Variants in KDM6A observed in about 807,000 individuals in gnomAD.
The protein encoded by KDM6A is lysine demethylase 6A.
In KDM6A, 11 loss-of-function variants were observed where a neutral mutation model predicts 117.6. That is an observed-to-expected ratio of 0.09 (90% confidence interval 0.06 to 0.15). KDM6A has a LOEUF of 0.15. KDM6A is among the 10% of genes least tolerant of loss of function. The pLI, the probability that KDM6A is intolerant of heterozygous loss-of-function variation, is 1.00. For synonymous variants in KDM6A, 384 were observed against 396.1 expected (o/e 0.97, Z 0.36); for missense variants, 799 against 1,077.3 (o/e 0.74, Z 3.62).
At chrX:44,948,402 AAGTTTT>A (rs2037790328) in intron 2 of KDM6A, among the ~76,000 whole-genome samples, 2 of 111,927 alleles carry the variant, frequency 1.8e-5, no homozygotes, top group Non-Finnish European at 3.8e-5. Flanking sequence ...GTGCATGGTT[AAGTTTT>A]TTAGTTCATG....
intron 2 of KDM6A, among the ~76,000 whole-genome samples, chrX:44,881,491 A>G (rs1426391143): frequency 8.9e-6 from 1 of 111,732 alleles, no homozygotes; most frequent in Non-Finnish European, 1.9e-5. Context: ...CCCTTGTTAG[A>G]CAGTTTTAGG....
intron 21 of KDM6A, 30 bp from the exon 22 acceptor site, chrX:45,082,546 A>G: frequency 9.4e-7 from 1 of 1,069,348 alleles, no homozygotes. Flanking sequence ...GTAGAACACT[A>G]AACTAGACTG....
chrX:45,075,331 C>T (rs2045064349), intron 18 of KDM6A, among the ~76,000 whole-genome samples: 1 of 110,967 alleles, frequency 9.0e-6, no homozygotes, highest in South Asian at 3.7e-4. Context: ...AACTTTATAC[C>T]CAAATCTAAA....
At chrX:44,938,260 G>A (rs188839022) in intron 2 of KDM6A, among the ~76,000 whole-genome samples, 2 of 111,626 alleles carry the variant, frequency 1.8e-5, no homozygotes, top group African/African-American at 3.3e-5. Flanking sequence ...GCACCTGACC[G>A]AAAACATTCT....
intron 8 of KDM6A, among the ~76,000 whole-genome samples, chrX:45,040,738 C>G (rs1209278718): frequency 1.6e-5 from 1 of 63,666 alleles, no homozygotes; most frequent in Non-Finnish European, 3.0e-5. Flanking sequence ...CCCCCCACCT[C>G]CCTCCTGGAT....
chrX:44,925,746 G>A (rs1382439583), intron 2 of KDM6A, among the ~76,000 whole-genome samples: 1 of 111,029 alleles, frequency 9.0e-6, no homozygotes, highest in Non-Finnish European at 1.9e-5. Flanking sequence ...TAGTTTTGAG[G>A]CCATAGATTT....
rs2039534127 is a variant in KDM6A, at chrX:44,974,722, G to T, written c.384+7G>T. 1 of 1,159,945 alleles carries T rather than the reference G, an allele frequency of 8.6e-7. No homozygotes were observed. Among genetic ancestry groups the T allele is most frequent in the Admixed American group, 2.2e-5 (1 of 45,986 alleles). On this transcript the variant is annotated splice_region_variant and intron_variant, in intron 4 of 29. Transcript: ENST00000611820. ...ACAGTCTGACTACTGGAAGGTTAGT[G>T]TACATTTGCATGCTGATTTCATGTT... is the stretch of plus-strand genomic sequence containing the variant.
chrX:45,047,884 C>T (rs1423701471), intron 8 of KDM6A, among the ~76,000 whole-genome samples: 3 of 107,963 alleles, frequency 2.8e-5, no homozygotes, highest in Non-Finnish European at 5.7e-5. Flanking sequence ...CAGGGCTAGG[C>T]GCAGTAGCTC....
intron 8 of KDM6A, among the ~76,000 whole-genome samples, chrX:45,044,942 G>T (rs188903652): frequency 6.7e-4 from 74 of 111,109 alleles, no homozygotes; most frequent in Admixed American, 1.6e-3. Context: ...ATAGATAAGT[G>T]CTATAATACT....
At chrX:44,948,533 T>C (rs1365794394) in intron 2 of KDM6A, among the ~76,000 whole-genome samples, 1 of 111,747 alleles carries the variant, frequency 8.9e-6, no homozygotes, top group Non-Finnish European at 1.9e-5. Context: ...TGGTAAGTGT[T>C]TTACATCGGG....
chrX:44,873,840 C>T, intron 1 of KDM6A, 84 bp from the exon 2 acceptor site: 2 of 1,155,408 alleles, frequency 1.7e-6, no homozygotes, highest in Non-Finnish European at 2.3e-6. Flanking sequence ...TTCGCGCCGC[C>T]TCCGCTGGGG....
intron 2 of KDM6A, among the ~76,000 whole-genome samples, chrX:44,909,526 T>A (rs926692983): frequency 2.7e-5 from 3 of 111,186 alleles, no homozygotes; most frequent in African/African-American, 9.8e-5. Context: ...CTATACTATA[T>A]GGAGGACCTT....
chrX:45,045,588 GAAAAAAA>G (rs569636939), intron 8 of KDM6A, among the ~76,000 whole-genome samples: 57 of 35,667 alleles, frequency 1.6e-3, no homozygotes, highest in East Asian at 0.014. Flanking sequence ...TCTGTCTCAA[GAAAAAAA>G]AAAAAAAAAA....
chrX:45,010,963 T>C lies in KDM6A; in HGVS notation c.387T>C (p.Asn129=). 1 of 1,196,450 alleles carries C rather than the reference T, an allele frequency of 8.4e-7. No individual in the cohort carries two copies. Among genetic ancestry groups the C allele is most frequent in the Non-Finnish European group, 1.1e-6 (1 of 882,171 alleles). ...AATCTTTTTCCCTTCCTTTACAGAA[T>C]GCTGCCTTTTTATATGGTCTTGGTT... The part of the protein sequence containing the change: ...YYSLQSDYWK[N]AAFLYGLGLV... The change falls in exon 5 of 30, where the codon AAT becomes AAC. Residue 129 remains asparagine, a splice_region_variant and synonymous_variant. Coordinates refer to ENST00000611820, the MANE Select transcript of KDM6A (RefSeq NM_001291415.2).
rs904768420 is a variant in KDM6A, at chrX:44,995,028, C to G, written c.385-15933C>G. ...GAACTCATATATAACATAGATATCTCTTTGAAATTTTGATTTCAATTTCTA... is the reference window on the plus strand; with the variant it reads ...GAACTCATATATAACATAGATATCTGTTTGAAATTTTGATTTCAATTTCTA... On this transcript the variant is annotated intron_variant, in intron 4 of 29. Coordinates refer to ENST00000611820, the MANE Select transcript of KDM6A (RefSeq NM_001291415.2). 2.7e-5 allele frequency among the ~76,000 whole-genome samples: 3 copies of G among 112,074 alleles called. No individual in the cohort carries two copies. The East Asian group carries it at 8.3e-4, about 31-fold the overall frequency.
intron 16 of KDM6A, among the ~76,000 whole-genome samples, chrX:45,063,132 G>A (rs2044374008): frequency 9.1e-6 from 1 of 109,815 alleles, no homozygotes; most frequent in South Asian, 3.8e-4. Context: ...GTTCGGGGTC[G>A]TTTTCTATAA....
At chrX:45,018,671 T>C (rs2042059589) in intron 5 of KDM6A, among the ~76,000 whole-genome samples, 1 of 111,826 alleles carries the variant, frequency 8.9e-6, no homozygotes, top group Non-Finnish European at 1.9e-5. Context: ...CTTCCTGACA[T>C]ACCCTTTGTT....
intron 5 of KDM6A, among the ~76,000 whole-genome samples, chrX:45,017,765 A>G (rs1376169154): frequency 2.7e-5 from 3 of 111,991 alleles, no homozygotes; most frequent in Non-Finnish European, 5.6e-5. Flanking sequence ...GAAGAGAAAT[A>G]TAGGCCTCAA....
intron 8 of KDM6A, among the ~76,000 whole-genome samples, chrX:45,038,466 A>T (rs1174265219): frequency 9.0e-6 from 1 of 110,847 alleles, no homozygotes; most frequent in Non-Finnish European, 1.9e-5. Flanking sequence ...CATTAATTTC[A>T]TGGCTCCTTC....
Sources: allele counts gnomAD v4.1 joint callset (sites outside exome capture counted in the v4.1 genomes callset), GRCh38; gene constraint gnomAD v4.1.1; transcripts MANE v1.5; gene names NCBI Gene and HGNC (gene_info 2026-07-23, HGNC 2026-07-21).